The following CD86 variants were observed in gnomAD, a reference collection of about 807,000 sequenced individuals.
The protein encoded by CD86 is T-lymphocyte activation antigen CD86.
CD86 carries 11 observed loss-of-function variants against 32.1 expected under a neutral mutation model. The ratio of observed to expected loss-of-function variants is 0.34; its 90% CI spans 0.22 to 0.57. The LOEUF is 0.57. CD86 is among the 20% of genes least tolerant of loss of function. The pLI is 0.86. For synonymous variants in CD86, 137 were observed against 135.3 expected (o/e 1.01, Z -0.09); for missense variants, 359 against 398.4 (o/e 0.90, Z 0.84).
At chr3:122,097,811 C>G (rs2072932440) in intron 2 of CD86, among the ~76,000 whole-genome samples, 1 of 152,118 alleles carries the variant, frequency 6.6e-6, no homozygotes, top group South Asian at 2.1e-4. Context: ...TGGAAAAGTG[C>G]TAGGTACTGA....
chr3:122,070,109 T>C (rs755952608), intron 1 of CD86, among the ~76,000 whole-genome samples: 1 of 152,194 alleles, frequency 6.6e-6, no homozygotes, highest in Non-Finnish European at 1.5e-5. Context: ...TTTTGAGAGA[T>C]AGTGAAGACA....
Position 122,119,457 on chromosome 3 carries a change from G to A in CD86, c.913G>A (p.Glu305Lys). Residue 305 changes from glutamate (E) to lysine (K), a missense_variant, in exon 7 of 7, where the codon GAA becomes AAA. Transcript: ENST00000330540. ...CTCCAGAGAAAAAATCCATATACCT[G>A]AAAGATCTGATGAAGCCCAGCGTGT... ...TKKREKIHIP[E>K]RSDEAQRVFK... 6.2e-7 allele frequency: 1 copy of A among 1,607,302 alleles called. No homozygotes were observed. Among genetic ancestry groups the A allele is most frequent in the Non-Finnish European group, 8.5e-7 (1 of 1,174,164 alleles).
intron 1 of CD86, among the ~76,000 whole-genome samples, chr3:122,072,191 C>T (rs1376889119): frequency 1.1e-4 from 17 of 149,504 alleles, no homozygotes; most frequent in African/African-American, 3.0e-4. Flanking sequence ...AATAAACATA[C>T]GTGTGCATGT....
intron 3 of CD86, among the ~76,000 whole-genome samples, chr3:122,104,984 A>G (rs2073068819): frequency 6.6e-6 from 1 of 152,208 alleles, no homozygotes; most frequent in Non-Finnish European, 1.5e-5. Flanking sequence ...ATGAAACTTG[A>G]AAAGGCAGAT....
intron 2 of CD86, among the ~76,000 whole-genome samples, chr3:122,100,329 G>A (rs1325465400): frequency 6.6e-6 from 1 of 152,214 alleles, no homozygotes; most frequent in Non-Finnish European, 1.5e-5. Flanking sequence ...AAAACAAACA[G>A]TAGCTGGGGC....
chr3:122,083,224 T>G (rs1039812257), intron 1 of CD86, among the ~76,000 whole-genome samples: 3 of 152,220 alleles, frequency 2.0e-5, no homozygotes, highest in African/African-American at 7.2e-5. Context: ...CTTTTCAAAA[T>G]GCAAATCTGA....
Position 122,119,527 on chromosome 3 carries a change from G to A in CD86, c.983G>A (p.Cys328Tyr), listed in dbSNP as rs1396323327. 6.3e-7 allele frequency: 1 copy of A among 1,584,070 alleles called. No individual in the cohort carries two copies. Among genetic ancestry groups the A allele is most frequent in the East Asian group, 2.2e-5 (1 of 44,684 alleles). The stretch of plus-strand genomic sequence containing the variant: ...TCTTCATGCGACAAAAGTGATACAT[G>A]TTTTTAATTAAAGAGTAAAGCCCAT... ...KTSSCDKSDTCF is the reference protein window; with the variant it reads ...KTSSCDKSDTYF The change falls in exon 7 of 7, where the codon TGT becomes TAT. Residue 328 changes from cysteine (C) to tyrosine (Y), a missense_variant. Cys to Tyr is a radical substitution (Grantham distance 194). Coordinates refer to ENST00000330540, the MANE Select transcript of CD86 (RefSeq NM_175862.5).
At chr3:122,089,319 T>G (rs1023395214) in intron 1 of CD86, among the ~76,000 whole-genome samples, 5 of 152,246 alleles carry the variant, frequency 3.3e-5, no homozygotes, top group Non-Finnish European at 7.3e-5. Context: ...ATGGCAAATT[T>G]TATGTGTATT....
chr3:122,091,520 C>G (rs915120854), intron 1 of CD86, 81 bp from the exon 2 acceptor site: 3 of 1,117,670 alleles, frequency 2.7e-6, no homozygotes, highest in African/African-American at 3.1e-5. Context: ...CCAAACTCCA[C>G]GTCCAGGTCA....
At chr3:122,080,706 G>T (rs2072621332) in intron 1 of CD86, among the ~76,000 whole-genome samples, 1 of 152,088 alleles carries the variant, frequency 6.6e-6, no homozygotes, top group South Asian at 2.1e-4. Flanking sequence ...CACAAATGGG[G>T]AATAAGGGGG....
chr3:122,072,162 C>T (rs1342449541), intron 1 of CD86, among the ~76,000 whole-genome samples: 1 of 150,126 alleles, frequency 6.7e-6, no homozygotes, highest in Admixed American at 6.6e-5. Flanking sequence ...CAAGTCTTTG[C>T]TATTGTGAAT....
chr3:122,096,358 G>A (rs2072907742), intron 2 of CD86, among the ~76,000 whole-genome samples: 1 of 151,956 alleles, frequency 6.6e-6, no homozygotes, highest in Non-Finnish European at 1.5e-5. Context: ...TATAGGCATG[G>A]CCTATCTATT....
intron 3 of CD86, among the ~76,000 whole-genome samples, chr3:122,105,486 G>A (rs926279887): frequency 6.6e-6 from 1 of 152,154 alleles, no homozygotes; most frequent in Non-Finnish European, 1.5e-5. Context: ...CTGACAGAAG[G>A]CACATGACAC....
At chr3:122,113,610 A>AT (rs1279676641) in intron 5 of CD86, among the ~76,000 whole-genome samples, 1 of 152,138 alleles carries the variant, frequency 6.6e-6, no homozygotes, top group Non-Finnish European at 1.5e-5. Context: ...AGTTAGTGAT[A>AT]TTGAACTTTT....
intron 5 of CD86, among the ~76,000 whole-genome samples, chr3:122,112,458 A>T (rs1468892636): frequency 6.6e-6 from 1 of 152,142 alleles, no homozygotes; most frequent in African/African-American, 2.4e-5. Context: ...CTGGGACTAC[A>T]GGCACGTGCC....
At chr3:122,063,585 T>C (rs1417516331) in intron 1 of CD86, among the ~76,000 whole-genome samples, 9 of 148,596 alleles carry the variant, frequency 6.1e-5, no homozygotes, top group Non-Finnish European at 1.0e-4. Flanking sequence ...AGTAAGTACA[T>C]AGAAAGATTT....
chr3:122,072,830 T>C lies in CD86; in HGVS notation c.14+17327T>C, dbSNP rs1432385136. Among the ~76,000 whole-genome samples, 8 of 152,072 alleles carry C rather than the reference T, an allele frequency of 5.3e-5. No individual in the cohort carries two copies. The South Asian group carries it at 1.0e-3, about 20-fold the overall frequency. ...CATGCCTATGTCCTGAATGGTAATG[T>C]CTAGGTTTTCTTCTAGGGTTTTTAT... On this transcript the variant is annotated intron_variant, in intron 1 of 6. Coordinates refer to ENST00000330540, the MANE Select transcript of CD86 (RefSeq NM_175862.5).
intron 2 of CD86, among the ~76,000 whole-genome samples, chr3:122,094,504 C>T (rs554360972): frequency 3.9e-5 from 6 of 152,140 alleles, no homozygotes; most frequent in Admixed American, 6.5e-5. Context: ...AATTCACACA[C>T]GATGAAAAGC....
At chr3:122,081,616 C>A (rs769513884) in intron 1 of CD86, among the ~76,000 whole-genome samples, 1 of 152,174 alleles carries the variant, frequency 6.6e-6, no homozygotes, top group South Asian at 2.1e-4. Context: ...AGGAAGACAG[C>A]GTTTCTCAGA....
Sources: gnomAD v4.1 joint callset for allele counts (sites outside exome capture counted in the v4.1 genomes callset) on GRCh38, gnomAD v4.1.1 for gene constraint, MANE v1.5 for transcripts, NCBI Gene and HGNC (gene_info 2026-07-23, HGNC 2026-07-21) for gene names.